CCDC91: variants seen among roughly 807,000 people sequenced by gnomAD.
CCDC91 encodes the protein coiled-coil domain-containing protein 91.
Under a neutral mutation model 63.2 loss-of-function variants are expected in CCDC91, and 48 were observed. The observed-to-expected ratio is 0.76, with a 90% CI of 0.60 to 0.97. CCDC91 has a LOEUF of 0.97. Ranked by LOEUF, CCDC91 falls within the 50% of genes least tolerant of loss-of-function variation. CCDC91 has a pLI of 0.00. For synonymous variants in CCDC91, 167 were observed against 165.8 expected, an observed-to-expected ratio of 1.01 and a Z score of -0.06; for missense variants, 500 against 494.6, an observed-to-expected ratio of 1.01 and a Z score of -0.10.
intron 6 of CCDC91, among the ~76,000 whole-genome samples, chr12:28,336,352 AT>A (rs1195224848): frequency 6.6e-6 from 1 of 152,178 alleles, no homozygotes; most frequent in African/African-American, 2.4e-5. Flanking sequence ...TATCCGTATT[AT>A]TTTAAGTGTG....
Position 28,335,339 on chromosome 12 carries a change from A to G in CCDC91, c.577-27099A>G, listed in dbSNP as rs1374195315. Among the ~76,000 whole-genome samples, 4 of 140,340 alleles carry G rather than the reference A, an allele frequency of 2.9e-5. No homozygotes were observed. In the Middle Eastern group the frequency reaches 0.011, roughly 387 times the overall value. The allele number at this position is 140,340 out of a possible 152,430, so 92.1% of individuals were successfully genotyped here. Reference sequence around the variant, plus strand: ...ATGTATAATATAATATATTATAAATATTTATATATTTAAATATATATTCAC... The same window carrying G: ...ATGTATAATATAATATATTATAAATGTTTATATATTTAAATATATATTCAC... On this transcript the variant is annotated intron_variant, in intron 6 of 12. Coordinates refer to ENST00000536442, the MANE Select transcript of CCDC91 (RefSeq NM_018318.5).
At chr12:28,414,809 A>T (rs981028889) in intron 8 of CCDC91, among the ~76,000 whole-genome samples, 81 of 152,332 alleles carry the variant, frequency 5.3e-4, no homozygotes, top group African/African-American at 1.9e-3. Context: ...GAGAAAAGAA[A>T]CATAGAGCAA....
At chr12:28,289,187 C>G (rs1949073200) in intron 3 of CCDC91, among the ~76,000 whole-genome samples, 1 of 150,092 alleles carries the variant, frequency 6.7e-6, no homozygotes, top group Admixed American at 6.6e-5. Flanking sequence ...TCCTTGAGTT[C>G]AGCTCTGAGT....
At chr12:28,494,859 T>A (rs1466935892) in intron 12 of CCDC91, among the ~76,000 whole-genome samples, 1 of 151,734 alleles carries the variant, frequency 6.6e-6, no homozygotes, top group African/African-American at 2.4e-5. Context: ...AGCAGCTGCA[T>A]TTGAAATCAC....
intron 12 of CCDC91, among the ~76,000 whole-genome samples, chr12:28,523,271 A>G (rs11486296): frequency 0.19 from 28,758 of 152,104 alleles, 3,560 homozygotes; most frequent in Non-Finnish European, 0.28. Context: ...TATTGGGTGC[A>G]TATATATTTA....
chr12:28,319,134 T>A (rs1940215279), intron 6 of CCDC91, among the ~76,000 whole-genome samples: 1 of 151,988 alleles, frequency 6.6e-6, no homozygotes, highest in Non-Finnish European at 1.5e-5. Context: ...ACAGTTAGTT[T>A]GGAAATTTAA....
At chr12:28,273,604 T>A (rs943527854) in intron 3 of CCDC91, among the ~76,000 whole-genome samples, 4 of 152,196 alleles carry the variant, frequency 2.6e-5, no homozygotes, top group South Asian at 2.1e-4. Context: ...TGATGAGCAT[T>A]TTTTCATGTG....
At chr12:28,421,826 T>C (rs554026158) in intron 8 of CCDC91, among the ~76,000 whole-genome samples, 1 of 152,240 alleles carries the variant, frequency 6.6e-6, no homozygotes, top group African/African-American at 2.4e-5. Flanking sequence ...CTCCCCCTTT[T>C]CCTTTATCCT....
rs1293206372 is a variant in CCDC91, at chr12:28,500,726, G to A, written c.1215+16561G>A. On this transcript the variant is annotated intron_variant, in intron 12 of 12. Coordinates refer to ENST00000536442, the MANE Select transcript of CCDC91 (RefSeq NM_018318.5). ...CTATGTCTTAGAGTATGTATTTACT[G>A]TATAAAACCAAGTAAAAACTTAAAA... Among the ~76,000 whole-genome samples, 4 of 151,640 alleles carry A rather than the reference G, an allele frequency of 2.6e-5. No individual in the cohort carries two copies. The East Asian group carries it at 7.8e-4, about 30-fold the overall frequency.
chr12:28,422,472 A>G (rs1791437043), intron 8 of CCDC91, among the ~76,000 whole-genome samples: 1 of 152,098 alleles, frequency 6.6e-6, no homozygotes, highest in Non-Finnish European at 1.5e-5. Flanking sequence ...AATCCATTCT[A>G]AGCATACCAT....
At chr12:28,366,061 A>G (rs1944251971) in intron 7 of CCDC91, among the ~76,000 whole-genome samples, 1 of 152,014 alleles carries the variant, frequency 6.6e-6, no homozygotes, top group African/African-American at 2.4e-5. Flanking sequence ...CTAAAATGTA[A>G]TGCATAGGAA....
intron 3 of CCDC91, 38 bp downstream of exon 3, chr12:28,259,480 TTTC>T: frequency 7.2e-7 from 1 of 1,380,568 alleles, no homozygotes; most frequent in Non-Finnish European, 1.0e-6. Context: ...TTTTTTTTTT[TTTC>T]CCATGTAACA....
At chr12:28,520,500 A>T (rs181683924) in intron 12 of CCDC91, among the ~76,000 whole-genome samples, 8 of 151,916 alleles carry the variant, frequency 5.3e-5, no homozygotes, top group Non-Finnish European at 1.2e-4. Flanking sequence ...GATTGCAAAA[A>T]TTTTCTCCCA....
At chr12:28,514,922 G>T (rs1939773420) in intron 12 of CCDC91, among the ~76,000 whole-genome samples, 1 of 151,710 alleles carries the variant, frequency 6.6e-6, no homozygotes, top group African/African-American at 2.4e-5. Context: ...TGGATACTAG[G>T]TTTAATACCT....
chr12:28,500,141 T>G (rs534716551), intron 12 of CCDC91, among the ~76,000 whole-genome samples: 1 of 152,238 alleles, frequency 6.6e-6, no homozygotes, highest in African/African-American at 2.4e-5. Flanking sequence ...CATAAATGTC[T>G]TCTTTTGAGA....
At chr12:28,352,481 C>A (rs1030822082) in intron 6 of CCDC91, among the ~76,000 whole-genome samples, 3 of 152,150 alleles carry the variant, frequency 2.0e-5, no homozygotes, top group Admixed American at 2.0e-4. Flanking sequence ...AAATCCCTGG[C>A]GGCCATTTCA....
At chr12:28,335,394 T>C (rs1441490543) in intron 6 of CCDC91, among the ~76,000 whole-genome samples, 1 of 138,062 alleles carries the variant, frequency 7.2e-6, no homozygotes, top group Non-Finnish European at 1.6e-5. Flanking sequence ...ATATAAATAT[T>C]ATGTATATAT....
intron 12 of CCDC91, among the ~76,000 whole-genome samples, chr12:28,489,636 A>G (rs930305750): frequency 2.0e-5 from 3 of 151,926 alleles, no homozygotes; most frequent in Non-Finnish European, 4.4e-5. Context: ...CACCTCCAGG[A>G]AAATAACCTT....
intron 12 of CCDC91, among the ~76,000 whole-genome samples, chr12:28,504,165 G>C (rs918696662): frequency 1.3e-4 from 20 of 151,508 alleles, no homozygotes; most frequent in Non-Finnish European, 2.5e-4. Context: ...TATTAAATTT[G>C]TAATTACAGT....
Sources: allele counts gnomAD v4.1 joint callset (sites outside exome capture counted in the v4.1 genomes callset), GRCh38; gene constraint gnomAD v4.1.1; transcripts MANE v1.5; gene names NCBI Gene and HGNC (gene_info 2026-07-23, HGNC 2026-07-21).